Variants in CSMD1 observed in about 807,000 individuals in gnomAD.
CSMD1 encodes the protein CUB and sushi domain-containing protein 1.
CSMD1 carries 213 observed loss-of-function variants against 417.5 expected under a neutral mutation model. The ratio of observed to expected loss-of-function variants is 0.51; its 90% CI spans 0.46 to 0.57. The LOEUF (loss-of-function observed/expected upper bound fraction) is 0.57, where lower values mean the gene tolerates loss of function less well. Ranked by LOEUF, CSMD1 falls within the 20% of genes least tolerant of loss-of-function variation. The pLI, the probability that CSMD1 is intolerant of heterozygous loss-of-function variation, is 0.00. For synonymous variants in CSMD1, 2,862 were observed against 1,736.8 expected (o/e 1.65, Z -16.11); for missense variants, 6,923 against 4,529.7 (o/e 1.53, Z -15.17).
At chr8:3,212,971 G>C (rs1009218615) in intron 30 of CSMD1, among the ~76,000 whole-genome samples, 41 of 151,844 alleles carry the variant, frequency 2.7e-4, no homozygotes, top group Admixed American at 2.0e-4. Context: ...TGGGATTACA[G>C]GTGTGCACCA....
intron 2 of CSMD1, among the ~76,000 whole-genome samples, chr8:4,573,211 G>A (rs1798969489): frequency 6.6e-6 from 1 of 152,134 alleles, no homozygotes; most frequent in African/African-American, 2.4e-5. Context: ...CTGGTTTTTG[G>A]AATTTTCAGC....
chr8:3,351,838 C>A (rs1808446671), intron 21 of CSMD1, among the ~76,000 whole-genome samples: 1 of 150,196 alleles, frequency 6.7e-6, no homozygotes, highest in African/African-American at 2.4e-5. Context: ...ATTTTAGTAC[C>A]TATATTTTTC....
At chr8:3,544,640 A>G (rs11995350) in intron 10 of CSMD1, among the ~76,000 whole-genome samples, 7,232 of 152,170 alleles carry the variant, frequency 0.048, 492 homozygotes, top group African/African-American at 0.15. Flanking sequence ...GGACCGTCCA[A>G]TCTGACAGCT....
chr8:4,951,251 C>T (rs1279316568), intron 1 of CSMD1, among the ~76,000 whole-genome samples: 1 of 152,062 alleles, frequency 6.6e-6, no homozygotes, highest in African/African-American at 2.4e-5. Context: ...TTTCCTGTGT[C>T]ATTGCTGATA....
intron 4 of CSMD1, among the ~76,000 whole-genome samples, chr8:4,002,183 A>C (rs1012962966): frequency 2.0e-5 from 3 of 151,990 alleles, no homozygotes; most frequent in African/African-American, 7.2e-5. Context: ...GAATGAGGCA[A>C]AATTAGTGTT....
chr8:3,668,088 C>A (rs894112511), intron 7 of CSMD1, among the ~76,000 whole-genome samples: 4 of 152,148 alleles, frequency 2.6e-5, no homozygotes, highest in Non-Finnish European at 5.9e-5. Context: ...AGTCATTCTA[C>A]CCCTGGGCTA....
chr8:3,045,428 CCT>C (rs1811371261), intron 50 of CSMD1, among the ~76,000 whole-genome samples: 1 of 152,088 alleles, frequency 6.6e-6, no homozygotes, highest in Admixed American at 6.5e-5. Context: ...TACCTTAAGC[CCT>C]GTCATATGTT....
chr8:4,142,586 G>GTTT (rs948684761), intron 3 of CSMD1, among the ~76,000 whole-genome samples: 1 of 150,826 alleles, frequency 6.6e-6, no homozygotes, highest in East Asian at 1.9e-4. Context: ...AGAAAAACAC[G>GTTT]TTTTTTTCAA....
intron 1 of CSMD1, among the ~76,000 whole-genome samples, chr8:4,701,929 T>C (rs888244209): frequency 6.6e-6 from 1 of 152,108 alleles, no homozygotes; most frequent in African/African-American, 2.4e-5. Flanking sequence ...TATGCAGCCA[T>C]AAAAAGGAAT....
chr8:4,518,102 G>A (rs1803223265), intron 2 of CSMD1, among the ~76,000 whole-genome samples: 1 of 152,054 alleles, frequency 6.6e-6, no homozygotes, highest in Non-Finnish European at 1.5e-5. Flanking sequence ...AAATCTAGGG[G>A]GAACATTCTG....
chr8:4,209,549 C>T (rs969575419), intron 3 of CSMD1, among the ~76,000 whole-genome samples: 2 of 152,182 alleles, frequency 1.3e-5, no homozygotes, highest in Non-Finnish European at 2.9e-5. Context: ...TTCCTTGCTG[C>T]CATGCTGCCT....
intron 3 of CSMD1, among the ~76,000 whole-genome samples, chr8:4,244,286 C>A (rs1434116439): frequency 6.6e-6 from 1 of 152,058 alleles, no homozygotes. Flanking sequence ...CCCGGGTCTT[C>A]GGGAAACACT....
intron 49 of CSMD1, among the ~76,000 whole-genome samples, chr8:3,075,348 C>T (rs1263296986): frequency 1.4e-5 from 2 of 145,224 alleles, no homozygotes; most frequent in Admixed American, 1.4e-4. Flanking sequence ...ACGGTGTGAT[C>T]TCGGCTCACC....
At chr8:3,933,999 T>G (rs1030729410) in intron 5 of CSMD1, among the ~76,000 whole-genome samples, 1 of 152,086 alleles carries the variant, frequency 6.6e-6, no homozygotes, top group Non-Finnish European at 1.5e-5. Flanking sequence ...CCATGGCAAA[T>G]ATTCGCCTAA....
chr8:4,901,288 G>C (rs934328243), intron 1 of CSMD1, among the ~76,000 whole-genome samples: 3 of 152,152 alleles, frequency 2.0e-5, no homozygotes, highest in Non-Finnish European at 4.4e-5. Flanking sequence ...TGTTAAGTTT[G>C]TGATAATTTT....
intron 1 of CSMD1, among the ~76,000 whole-genome samples, chr8:4,844,159 A>C (rs1360963238): frequency 6.6e-6 from 1 of 152,180 alleles, no homozygotes; most frequent in Non-Finnish European, 1.5e-5. Flanking sequence ...ACCAAATATG[A>C]GTCAAGTTCT....
intron 3 of CSMD1, among the ~76,000 whole-genome samples, chr8:4,331,098 T>C (rs903078068): frequency 6.6e-6 from 1 of 152,194 alleles, no homozygotes; most frequent in Admixed American, 6.5e-5. Flanking sequence ...CAACTACATA[T>C]AATAGCAAAA....
intron 3 of CSMD1, among the ~76,000 whole-genome samples, chr8:4,258,606 C>T (rs1379974815): frequency 1.6e-5 from 1 of 63,922 alleles, no homozygotes; most frequent in Non-Finnish European, 3.6e-5. Context: ...AACCCTTGTT[C>T]TCATAGGGGC....
chr8:3,277,665 G>A (rs1056422686), intron 26 of CSMD1, among the ~76,000 whole-genome samples: 2 of 152,270 alleles, frequency 1.3e-5, no homozygotes, highest in Admixed American at 1.3e-4. Flanking sequence ...AAGGACTGTG[G>A]TTGAGTTTCA....
Sources: gnomAD v4.1 joint callset for allele counts (sites outside exome capture counted in the v4.1 genomes callset) on GRCh38, gnomAD v4.1.1 for gene constraint, MANE v1.5 for transcripts, NCBI Gene and HGNC (gene_info 2026-07-23, HGNC 2026-07-21) for gene names.